The following TRAF2 variants were observed in gnomAD, a reference collection of about 807,000 sequenced individuals.
TRAF2 encodes TNF receptor-associated factor 2.
Under a neutral mutation model 55.6 loss-of-function variants are expected in TRAF2, and 6 were observed. That is an observed-to-expected ratio of 0.11 (90% CI 0.06 to 0.21). TRAF2 has a LOEUF of 0.21. TRAF2 is among the 10% of genes least tolerant of loss of function. TRAF2 has a pLI of 1.00. For synonymous variants in TRAF2, 329 were observed against 276.3 expected (o/e 1.19, Z -1.89); for missense variants, 561 against 684.5 (o/e 0.82, Z 2.01).
intron 3 of TRAF2, 44 bp from the exon 4 acceptor site, chr9:136,900,378 G>A: frequency 7.0e-7 from 1 of 1,422,376 alleles, no homozygotes. Context: ...TTGCTGCAGG[G>A]AGTCTGGGAG....
chr9:136,915,886 A>C (rs1200765881), intron 6 of TRAF2, among the ~76,000 whole-genome samples: 1 of 152,072 alleles, frequency 6.6e-6, no homozygotes, highest in Non-Finnish European at 1.5e-5. Flanking sequence ...CCTTCCGGGT[A>C]TGAAATCTTG....
intron 1 of TRAF2, chr9:136,898,446 CTT>C (rs957218635): frequency 1.3e-5 from 4 of 309,374 alleles, no homozygotes; most frequent in African/African-American, 9.1e-5. Context: ...GTCTGTGTCT[CTT>C]TGGAGCTGTG....
intron 4 of TRAF2, 125 bp downstream of exon 4, chr9:136,900,645 CTG>C (rs775222994): frequency 3.8e-6 from 3 of 796,580 alleles, no homozygotes; most frequent in South Asian, 1.5e-5. Flanking sequence ...TGTCTGATGT[CTG>C]TGGAGGAAGA....
chr9:136,916,851 G>C (rs1850254492), intron 7 of TRAF2, among the ~76,000 whole-genome samples: 1 of 152,146 alleles, frequency 6.6e-6, no homozygotes, highest in African/African-American at 2.4e-5. Context: ...TGTCTCTGAG[G>C]ATGCCCAGTG....
chr9:136,914,144 A>C (rs984091089), intron 6 of TRAF2, among the ~76,000 whole-genome samples: 1 of 152,072 alleles, frequency 6.6e-6, no homozygotes, highest in Non-Finnish European at 1.5e-5. Flanking sequence ...TCCTGCCCTC[A>C]CAGGAACCCT....
At chr9:136,904,668 A>G (rs969693071) in intron 4 of TRAF2, among the ~76,000 whole-genome samples, 9 of 152,164 alleles carry the variant, frequency 5.9e-5, no homozygotes, top group African/African-American at 2.2e-4. Flanking sequence ...CGGCCTCCCA[A>G]AGTGCTGGGA....
chr9:136,918,227 T>TTATATATATATATATATA (rs764701854), intron 7 of TRAF2, among the ~76,000 whole-genome samples: 9 of 68,068 alleles, frequency 1.3e-4, no homozygotes, highest in African/African-American at 7.2e-4. Flanking sequence ...AGTGTTTTGT[T>TTATATATATATATATATA]TATATATATA....
rs761277531 is a variant in TRAF2 at position 136,920,562 on chromosome 9, G to A, written c.960+47G>A. ...AGCCATGAGGAGGACAGTGTAAAGG[G>A]GGATAGTGTTCGTGCCCCAGCAGGT... is the stretch of plus-strand genomic sequence containing the variant. On this transcript the variant is annotated intron_variant, in intron 8 of 10. Coordinates refer to ENST00000247668, the MANE Select transcript of TRAF2 (RefSeq NM_021138.4). The A allele has an allele frequency of 2.6e-6, 4 of 1,555,056 alleles. No individual in the cohort carries two copies. The Admixed American group carries it at 7.5e-5, about 29-fold the overall frequency.
chr9:136,926,226 C>T lies in TRAF2; in HGVS notation c.*325C>T, dbSNP rs1455150118. ...GAAGGGAGAGGCCCTGGGTGGGGGA[C>T]ACTCAGAGTGGGAGCACATCCCAGC... On this transcript the variant is annotated 3_prime_UTR_variant, in exon 11 of 11. Transcript: ENST00000247668. 8 of 464,646 alleles carry T rather than the reference C, an allele frequency of 1.7e-5. No homozygotes were observed. The highest frequency in any genetic ancestry group is 2.9e-5 in the Non-Finnish European group (7 of 243,702). The allele number at this position is 464,646 out of a possible 1,614,324, so 28.8% of individuals were successfully genotyped here.
At chr9:136,887,079 C>G (rs1397764732) in intron 1 of TRAF2, among the ~76,000 whole-genome samples, 3 of 152,188 alleles carry the variant, frequency 2.0e-5, no homozygotes, top group African/African-American at 7.2e-5. Flanking sequence ...GGAGCCGACT[C>G]TGCTGCCTTC....
At chr9:136,898,658 T>C in intron 1 of TRAF2, 55 bp from the exon 2 acceptor site, 1 of 1,593,956 alleles carries the variant, frequency 6.3e-7, no homozygotes, top group Non-Finnish European at 8.5e-7. Flanking sequence ...GGTTTGGTTT[T>C]GTCTCGAGGA....
intron 1 of TRAF2, among the ~76,000 whole-genome samples, chr9:136,891,000 T>G (rs1259623081): frequency 6.6e-6 from 1 of 152,188 alleles, no homozygotes; most frequent in Non-Finnish European, 1.5e-5. Flanking sequence ...GCCTCCTGAG[T>G]GGCTGGGACC....
At chr9:136,897,873 T>TTCCCGCTCTC (rs1849720767) in intron 1 of TRAF2, among the ~76,000 whole-genome samples, 1 of 132,250 alleles carries the variant, frequency 7.6e-6, no homozygotes, top group Admixed American at 7.8e-5. Flanking sequence ...GTGTGCTACG[T>TTCCCGCTCTC]TCCCGCTCTC....
rs1316789923 is a variant in TRAF2 at position 136,898,463 on chromosome 9, G to C, written c.-28-250G>C. ...CTGTGTCTCTTTGGAGCTGTGGGTT[G>C]GTTGTGTGGATGCCAGCTGTGTGGT... On this transcript the variant is annotated intron_variant, in intron 1 of 10. Coordinates refer to ENST00000247668, the MANE Select transcript of TRAF2 (RefSeq NM_021138.4). 5.4e-5 allele frequency: 22 copies of C among 407,830 alleles called. No homozygotes were observed. In the Admixed American group the frequency reaches 1.4e-3, roughly 26 times the overall value. The allele number at this position is 407,830 out of a possible 1,614,324, so 25.3% of individuals were successfully genotyped here.
At chr9:136,894,737 G>T (rs1288916575) in intron 1 of TRAF2, among the ~76,000 whole-genome samples, 1 of 152,168 alleles carries the variant, frequency 6.6e-6, no homozygotes, top group Non-Finnish European at 1.5e-5. Flanking sequence ...CAGGGTCGGG[G>T]CCAGAGAAGG....
chr9:136,921,788 G>A (rs1204427410), intron 9 of TRAF2, among the ~76,000 whole-genome samples: 1 of 152,070 alleles, frequency 6.6e-6, no homozygotes, highest in African/African-American at 2.4e-5. Flanking sequence ...GGGTGGGGTG[G>A]TGGCTGCCCA....
At chr9:136,908,047 A>C (rs773984947) in intron 4 of TRAF2, 23 bp from the exon 5 acceptor site, 1 of 1,589,586 alleles carries the variant, frequency 6.3e-7, no homozygotes, top group East Asian at 2.2e-5. Flanking sequence ...AGTTCTACTG[A>C]CGCTTCCTCC....
chr9:136,898,973 C>T, intron 2 of TRAF2, 45 bp downstream of exon 2: 1 of 1,545,842 alleles, frequency 6.5e-7, no homozygotes, highest in Non-Finnish European at 8.7e-7. Flanking sequence ...GCAGGCTAGG[C>T]TGGTTTTAGA....
intron 8 of TRAF2, 25 bp from the exon 9 acceptor site, chr9:136,921,013 G>A (rs1302925762): frequency 3.7e-6 from 6 of 1,612,554 alleles, no homozygotes; most frequent in African/African-American, 1.3e-5. Flanking sequence ...CCTGTAAGAG[G>A]GAAGGTGGTC....
Sources: gnomAD v4.1 joint callset for allele counts (sites outside exome capture counted in the v4.1 genomes callset) on GRCh38, gnomAD v4.1.1 for gene constraint, MANE v1.5 for transcripts, NCBI Gene and HGNC (gene_info 2026-07-23, HGNC 2026-07-21) for gene names.